Variants in CACNA1E observed in about 807,000 individuals in gnomAD.
The protein encoded by CACNA1E is calcium voltage-gated channel subunit alpha1 E, also known as voltage-dependent R-type calcium channel subunit alpha-1E.
Under a neutral mutation model 259.2 loss-of-function variants are expected in CACNA1E, and 40 were observed. The observed-to-expected ratio is 0.15, with a 90% CI of 0.12 to 0.20. The LOEUF (loss-of-function observed/expected upper bound fraction) is 0.20. Ranked by LOEUF, CACNA1E falls within the 10% of genes least tolerant of loss-of-function variation. The probability of loss-of-function intolerance (pLI) is 1.00; values close to 1 mark genes in which losing one functional copy is unlikely to be tolerated. For synonymous variants in CACNA1E, 1,104 were observed against 1,138.5 expected (o/e 0.97, Z 0.61); for missense variants, 1,874 against 3,040.1 (o/e 0.62, Z 9.02).
chr1:181,722,721 C>G (rs1654522804), intron 16 of CACNA1E, among the ~76,000 whole-genome samples: 1 of 152,096 alleles, frequency 6.6e-6, no homozygotes, highest in African/African-American at 2.4e-5. Flanking sequence ...GTTGGGTTGG[C>G]CGTGAATTGG....
intron 36 of CACNA1E, 104 bp downstream of exon 36, chr1:181,771,488 C>T: frequency 1.1e-5 from 8 of 696,966 alleles, no homozygotes; most frequent in Non-Finnish European, 2.1e-5. Context: ...ATTCCACTTC[C>T]TTTGCTCCTG....
intron 2 of CACNA1E, among the ~76,000 whole-genome samples, chr1:181,462,923 G>C (rs1213418407): frequency 6.7e-6 from 1 of 150,186 alleles, no homozygotes; most frequent in Non-Finnish European, 1.5e-5. Context: ...AGGCTAGGTT[G>C]CTATAATTTT....
intron 1 of CACNA1E, among the ~76,000 whole-genome samples, chr1:181,348,747 T>G (rs1261300596): frequency 6.6e-6 from 1 of 152,236 alleles, no homozygotes; most frequent in East Asian, 1.9e-4. Context: ...AGCCATATTC[T>G]GCTTTCAGCT....
chr1:181,490,472 C>T (rs1664214038), intron 1 of CACNA1E, among the ~76,000 whole-genome samples: 1 of 150,866 alleles, frequency 6.6e-6, no homozygotes, highest in South Asian at 2.1e-4. Flanking sequence ...CTATGCCCAG[C>T]TAGGCTCCAG....
At chr1:181,576,458 A>G (rs3905011) in intron 3 of CACNA1E, among the ~76,000 whole-genome samples, 88,023 of 152,100 alleles carry the variant, frequency 0.58, 25,776 homozygotes, top group East Asian at 0.7. Flanking sequence ...ATGATTGTAT[A>G]TCTGCTTCCG....
intron 6 of CACNA1E, among the ~76,000 whole-genome samples, chr1:181,608,115 G>C (rs1176364607): frequency 6.6e-6 from 1 of 152,172 alleles, no homozygotes; most frequent in Non-Finnish European, 1.5e-5. Context: ...GATGCTTCTG[G>C]TGCCACCTCT....
At chr1:181,385,940 A>G (rs1655815627) in intron 1 of CACNA1E, among the ~76,000 whole-genome samples, 1 of 151,700 alleles carries the variant, frequency 6.6e-6, no homozygotes, top group Non-Finnish European at 1.5e-5. Context: ...ATCATCTACC[A>G]TATATATACT....
chr1:181,606,357 G>A (rs1654236808), intron 6 of CACNA1E, among the ~76,000 whole-genome samples: 1 of 151,984 alleles, frequency 6.6e-6, no homozygotes, highest in Non-Finnish European at 1.5e-5. Flanking sequence ...ACCTCACATT[G>A]TCCTTCTTTT....
intron 2 of CACNA1E, among the ~76,000 whole-genome samples, chr1:181,470,197 TA>T (rs956120931): frequency 5.4e-5 from 8 of 148,998 alleles, no homozygotes; most frequent in East Asian, 2.0e-4. Flanking sequence ...GTCTCTAAAA[TA>T]TTTTTTTTTT....
At chr1:181,678,172 G>T (rs1649566125) in intron 7 of CACNA1E, among the ~76,000 whole-genome samples, 1 of 152,190 alleles carries the variant, frequency 6.6e-6, no homozygotes, top group South Asian at 2.1e-4. Context: ...GGCTCTAGTG[G>T]TGCCCCTCTG....
chr1:181,717,026 C>G (rs759216414), intron 10 of CACNA1E, 67 bp from the exon 11 acceptor site: 1 of 1,392,232 alleles, frequency 7.2e-7, no homozygotes, highest in East Asian at 2.3e-5. Flanking sequence ...TCTTGCCCTT[C>G]GAATGCTCCC....
chr1:181,510,551 A>G lies in CACNA1E; in HGVS notation c.341A>G (p.Glu114Gly), dbSNP rs1355942163. 6.2e-7 allele frequency: 1 copy of G among 1,613,390 alleles called. No homozygotes were observed. The highest frequency in any genetic ancestry group is 1.1e-5 in the South Asian group (1 of 91,072). ...IVLALEQHLP[E>G]DDKTPMSRRL... Reference sequence around the variant, plus strand: ...CTGGCCCTGGAGCAGCATCTTCCTGAGGATGACAAGACCCCCATGTCCCGA... The same window carrying G: ...CTGGCCCTGGAGCAGCATCTTCCTGGGGATGACAAGACCCCCATGTCCCGA... Residue 114 changes from glutamate (E) to glycine (G), a missense_variant, in exon 2 of 48, where the codon GAG (glutamate) becomes GGG (glycine). Coordinates refer to ENST00000367573, the MANE Select transcript of CACNA1E (RefSeq NM_001205293.3).
intron 3 of CACNA1E, among the ~76,000 whole-genome samples, chr1:181,568,443 T>G (rs887197404): frequency 6.6e-6 from 1 of 152,162 alleles, no homozygotes; most frequent in Non-Finnish European, 1.5e-5. Flanking sequence ...CTTTTGAGCT[T>G]AGAGTAGCAG....
rs1347340146 is a variant in CACNA1E at position 181,799,535 on chromosome 1, G to C, written c.*701G>C. 12 of 152,834 alleles carry C rather than the reference G, an allele frequency of 7.9e-5. No homozygotes were observed. Among genetic ancestry groups the C allele is most frequent in the African/African-American group, 2.9e-4 (12 of 41,464 alleles). 9.5% of individuals were successfully genotyped at this position (152,834 alleles called of 1,614,324 possible). ...AGAGAAACAGAACTGGTGGTGCTGG[G>C]GGGTATAGCCCCCCATCCTTGAGGC... On this transcript the variant is annotated 3_prime_UTR_variant, in exon 48 of 48. Coordinates refer to ENST00000367573, the MANE Select transcript of CACNA1E (RefSeq NM_001205293.3).
chr1:181,481,102 G>A (rs1323076742), upstream of CACNA1E, among the ~76,000 whole-genome samples: 2 of 152,044 alleles, frequency 1.3e-5, no homozygotes, highest in East Asian at 1.9e-4. Flanking sequence ...CCCTCCCTCC[G>A]TTTCACGACT....
At chr1:181,744,840 G>T (rs958349034) in intron 25 of CACNA1E, among the ~76,000 whole-genome samples, 1 of 152,238 alleles carries the variant, frequency 6.6e-6, no homozygotes, top group Admixed American at 6.5e-5. Flanking sequence ...GGAAGAGAAC[G>T]AAGGATTAAA....
chr1:181,414,281 G>T (rs564174228), intron 2 of CACNA1E, among the ~76,000 whole-genome samples: 53 of 152,324 alleles, frequency 3.5e-4, no homozygotes, highest in African/African-American at 1.2e-3. Context: ...GGCATGCCCT[G>T]TGGTCTGTAT....
At position 181,803,927 on chromosome 1, in the gene CACNA1E, C is replaced by T. The variant is rs1369609161; in HGVS notation, c.*5093C>T. On this transcript the variant is annotated 3_prime_UTR_variant, in exon 48 of 48. Coordinates refer to ENST00000367573, the MANE Select transcript of CACNA1E (RefSeq NM_001205293.3). ...TGATGGCTTTTGAGGCTGGGACACC[C>T]CCAAACTGCCCTTCTGTTTTTGTAG... is the stretch of plus-strand genomic sequence containing the variant. 6.6e-6 allele frequency: 1 copy of T among 152,170 alleles called. No homozygotes were observed. The highest frequency in any genetic ancestry group is 1.5e-5 in the Non-Finnish European group (1 of 68,032). The allele number at this position is 152,170 out of a possible 1,614,324, so 9.4% of individuals were successfully genotyped here.
chr1:181,513,812 C>G (rs1021927983), intron 3 of CACNA1E, among the ~76,000 whole-genome samples: 4 of 152,210 alleles, frequency 2.6e-5, no homozygotes, highest in African/African-American at 9.7e-5. Context: ...AGAGTCAGTG[C>G]AGGTGCTGAG....
Sources: allele counts gnomAD v4.1 joint callset (sites outside exome capture counted in the v4.1 genomes callset), GRCh38; gene constraint gnomAD v4.1.1; transcripts MANE v1.5; gene names NCBI Gene and HGNC (gene_info 2026-07-23, HGNC 2026-07-21).